The following DDX19B variants were observed in gnomAD, a reference collection of about 807,000 sequenced individuals.
The protein encoded by DDX19B is ATP-dependent RNA helicase DDX19B.
In DDX19B, 27 loss-of-function variants were observed where a neutral mutation model predicts 58.1. The ratio of observed to expected loss-of-function variants is 0.46; its 90% confidence interval spans 0.34 to 0.64. The LOEUF is 0.64. DDX19B is among the 30% of genes least tolerant of loss of function. DDX19B has a pLI of 0.01. For missense variants in DDX19B, 399 were observed against 596.5 expected (o/e 0.67, Z 3.45); for synonymous variants, 187 against 214.4 (o/e 0.87, Z 1.12).
At chr16:70,296,005 ATTTTTTT>A (rs113857820), upstream of DDX19B, among the ~76,000 whole-genome samples, 3 of 134,762 alleles carry the variant, frequency 2.2e-5, no homozygotes, top group East Asian at 6.5e-4. Context: ...TATCTTAAGC[ATTTTTTT>A]TTTTTTTTTT....
chr16:70,314,428 C>G (rs1962257392), intron 2 of DDX19B, among the ~76,000 whole-genome samples: 1 of 152,014 alleles, frequency 6.6e-6, no homozygotes, highest in Non-Finnish European at 1.5e-5. Flanking sequence ...TTTGGGAGGC[C>G]AAGGCAGGCG....
At chr16:70,317,468 T>G in intron 4 of DDX19B, 28 bp from the exon 5 acceptor site, 1 of 1,577,142 alleles carries the variant, frequency 6.3e-7, no homozygotes, top group Non-Finnish European at 8.7e-7. Context: ...AAAGAGACTG[T>G]GACTTTCATC....
At chr16:70,313,264 G>A (rs1026692161) in intron 2 of DDX19B, among the ~76,000 whole-genome samples, 1 of 151,968 alleles carries the variant, frequency 6.6e-6, no homozygotes, top group African/African-American at 2.4e-5. Context: ...ATGATCCACC[G>A]GCCTTGGCCT....
intron 5 of DDX19B, 44 bp from the exon 6 acceptor site, chr16:70,324,541 A>T (rs778574423): frequency 6.4e-7 from 1 of 1,560,600 alleles, no homozygotes; most frequent in Non-Finnish European, 8.8e-7. Context: ...TTGTTAACTA[A>T]AAGGTTGAGA....
rs1020485430 is a variant in DDX19B at position 70,307,549 on chromosome 16, G to C, written c.58-5060G>C. 6.7e-5 allele frequency among the ~76,000 whole-genome samples: 10 copies of C among 148,566 alleles called. No homozygotes were observed. In the East Asian group the frequency reaches 1.8e-3, roughly 27 times the overall value. On this transcript the variant is annotated intron_variant, in intron 1 of 11. Coordinates refer to ENST00000288071, the MANE Select transcript of DDX19B (RefSeq NM_007242.7). ...AGCCAATTTTTCATATTTCAGTAGA[G>C]ATGGGGTTTCATCATGTTGCCCACA...
At chr16:70,292,179 G>C (rs1961074760), upstream of DDX19B, among the ~76,000 whole-genome samples, 1 of 151,802 alleles carries the variant, frequency 6.6e-6, no homozygotes, top group Non-Finnish European at 1.5e-5. Context: ...CTTTTTTTGA[G>C]GCAGAGTTTC....
At chr16:70,307,944 A>G (rs1961855754) in intron 1 of DDX19B, among the ~76,000 whole-genome samples, 1 of 149,056 alleles carries the variant, frequency 6.7e-6, no homozygotes, top group Non-Finnish European at 1.5e-5. Flanking sequence ...TTATTTATGT[A>G]TTTATTTTTA....
At position 70,314,114 on chromosome 16, in the gene DDX19B, G is replaced by GA. The variant is rs904330935; in HGVS notation, c.107-778dup. Among the ~76,000 whole-genome samples the GA allele has an allele frequency of 5.4e-5, 8 of 148,018 alleles. No homozygotes were observed. In the South Asian group the frequency reaches 8.5e-4, roughly 16 times the overall value. On this transcript the variant is annotated intron_variant, in intron 2 of 11. Coordinates refer to ENST00000288071, the MANE Select transcript of DDX19B (RefSeq NM_007242.7). ...AGAGTGAGACTGCATCTCAAAAAAA[G>GA]AAAAAAAAAATTTATATGCATGAAT...
At chr16:70,297,554 A>C (rs1961274601), upstream of DDX19B, among the ~76,000 whole-genome samples, 1 of 152,120 alleles carries the variant, frequency 6.6e-6, no homozygotes, top group African/African-American at 2.4e-5. Context: ...ATATTGGCAA[A>C]ATGAAAGAGG....
chr16:70,311,336 C>T (rs1251962542), intron 1 of DDX19B, among the ~76,000 whole-genome samples: 2 of 151,990 alleles, frequency 1.3e-5, no homozygotes, highest in Non-Finnish European at 1.5e-5. Context: ...GCTGAGATCG[C>T]GCCCCTACAC....
intron 7 of DDX19B, among the ~76,000 whole-genome samples, chr16:70,326,734 C>T (rs191759504): frequency 8.0e-4 from 122 of 152,164 alleles, no homozygotes; most frequent in African/African-American, 2.8e-3. Flanking sequence ...TGGGGTTTCA[C>T]CACGTTGGCC....
intron 5 of DDX19B, among the ~76,000 whole-genome samples, chr16:70,323,989 A>G (rs1962998186): frequency 6.6e-6 from 1 of 152,038 alleles, no homozygotes; most frequent in African/African-American, 2.4e-5. Context: ...CTAAGACAAG[A>G]GCATGACTGG....
intron 9 of DDX19B, among the ~76,000 whole-genome samples, chr16:70,330,916 A>G (rs910276190): frequency 6.6e-6 from 1 of 151,780 alleles, no homozygotes; most frequent in Non-Finnish European, 1.5e-5. Context: ...GTGGTGGTGC[A>G]TGCCTGTGGT....
rs771383272 is a variant in DDX19B, at chr16:70,333,562, A to G, written c.1420A>G (p.Ile474Val). 6 of 1,613,848 alleles carry G rather than the reference A, an allele frequency of 3.7e-6. No individual in the cohort carries two copies. In the African/African-American group the frequency reaches 8.0e-5, roughly 22 times the overall value. The change falls in exon 12 of 12, where the codon ATT becomes GTT. Residue 474 changes from isoleucine to valine, a missense_variant. By Grantham distance (29) the Ile-to-Val change is conservative (BLOSUM62 3). Coordinates refer to ENST00000288071, the MANE Select transcript of DDX19B (RefSeq NM_007242.7). ...ERLDTDDLDE[I>V]EKIAN ...ATTGGACACAGATGATTTGGACGAG[A>G]TTGAGAAAATAGCCAACTGAGAAGC...
rs1167446606 is a variant in DDX19B at position 70,333,676 on chromosome 16, C to T, written c.*94C>T. ...ACAGGCCCCGACATCACCCCAAGGA[C>T]AACGGCACAAGTAGAGAGAAACTAC... is the stretch of plus-strand genomic sequence containing the variant. On this transcript the variant is annotated 3_prime_UTR_variant, in exon 12 of 12. Coordinates refer to ENST00000288071, the MANE Select transcript of DDX19B (RefSeq NM_007242.7). 1 of 1,581,920 alleles carries T rather than the reference C, an allele frequency of 6.3e-7. No homozygotes were observed. The highest frequency in any genetic ancestry group is 8.7e-7 in the Non-Finnish European group (1 of 1,152,540).
intron 1 of DDX19B, among the ~76,000 whole-genome samples, chr16:70,309,552 G>A (rs926960476): frequency 6.7e-6 from 1 of 150,024 alleles, no homozygotes; most frequent in Non-Finnish European, 1.5e-5. Flanking sequence ...GGGTGCAGTG[G>A]CTTACGCCTG....
At chr16:70,332,901 G>A in intron 10 of DDX19B, 67 bp from the exon 11 acceptor site, 1 of 1,613,456 alleles carries the variant, frequency 6.2e-7, no homozygotes, top group Non-Finnish European at 8.5e-7. Flanking sequence ...CCATTGTATG[G>A]ATGGACCACA....
intron 5 of DDX19B, 90 bp downstream of exon 5, chr16:70,317,678 C>A: frequency 8.6e-7 from 1 of 1,159,254 alleles, no homozygotes; most frequent in Non-Finnish European, 1.2e-6. Flanking sequence ...GTGGCTTATG[C>A]CTATAATCCC....
rs933326553 is a variant in DDX19B at position 70,317,588 on chromosome 16, C to T, written c.389C>T (p.Pro130Leu). ...GCATTGCCACTGATGCTTGCTGAGC[C>T]GTATGTGTCCTATTACAACTCCATT... ...ENALPLMLAE[P>L]PQNLIAQSQS... Residue 130 changes from proline to leucine, a missense_variant and splice_region_variant, in exon 5 of 12, where the codon CCC (proline) becomes CTC (leucine). Coordinates refer to ENST00000288071, the MANE Select transcript of DDX19B (RefSeq NM_007242.7). 11 of 1,605,580 alleles carry T rather than the reference C, an allele frequency of 6.9e-6. No individual in the cohort carries two copies. The highest frequency in any genetic ancestry group is 4.5e-5 in the South Asian group (4 of 89,848).
Sources: gnomAD v4.1 joint callset for allele counts (sites outside exome capture counted in the v4.1 genomes callset) on GRCh38, gnomAD v4.1.1 for gene constraint, MANE v1.5 for transcripts, NCBI Gene and HGNC (gene_info 2026-07-23, HGNC 2026-07-21) for gene names.